Variants in FBN1 observed in about 807,000 individuals in gnomAD.
FBN1 encodes fibrillin-1.
A neutral mutation model predicts 365.1 loss-of-function variants in FBN1; 29 were observed. That is an observed-to-expected ratio of 0.08 (90% CI 0.06 to 0.11). The LOEUF (loss-of-function observed/expected upper bound fraction) is 0.11. Among genes scored for constraint, FBN1 ranks in the 10% least tolerant of loss-of-function variants. The pLI, the probability that FBN1 is intolerant of heterozygous loss-of-function variation, is 1.00. For synonymous variants in FBN1, 1,210 were observed against 1,270.5 expected, an observed-to-expected ratio of 0.95 and a Z score of 1.01; for missense variants, 2,476 against 3,703.2, an observed-to-expected ratio of 0.67 and a Z score of 8.60.
At chr15:48,576,592 C>G (rs1457393957) in intron 6 of FBN1, among the ~76,000 whole-genome samples, 1 of 152,144 alleles carries the variant, frequency 6.6e-6, no homozygotes, top group Non-Finnish European at 1.5e-5. Flanking sequence ...GAGATAGATG[C>G]AGGGAAGAGA....
intron 6 of FBN1, among the ~76,000 whole-genome samples, chr15:48,584,944 T>A (rs753510152): frequency 2.6e-5 from 4 of 152,236 alleles, no homozygotes; most frequent in African/African-American, 9.6e-5. Flanking sequence ...AATGATTATA[T>A]AAAGAATGAG....
chr15:48,589,343 T>C (rs2044459112), intron 6 of FBN1, among the ~76,000 whole-genome samples: 1 of 152,152 alleles, frequency 6.6e-6, no homozygotes, highest in African/African-American at 2.4e-5. Context: ...ATCAAGCTTC[T>C]TTCTGGTTGC....
intron 10 of FBN1, among the ~76,000 whole-genome samples, chr15:48,517,955 T>C (rs186506494): frequency 7.9e-5 from 12 of 152,336 alleles, no homozygotes; most frequent in Admixed American, 7.2e-4. Context: ...CCAATTTACA[T>C]GAGGTTAAAT....
At chr15:48,555,477 T>C (rs758655269) in intron 6 of FBN1, among the ~76,000 whole-genome samples, 7 of 152,188 alleles carry the variant, frequency 4.6e-5, no homozygotes, top group Non-Finnish European at 8.8e-5. Context: ...ACACTGCATT[T>C]TGGGAAAAGC....
At chr15:48,456,276 T>C (rs1301141839) in intron 44 of FBN1, among the ~76,000 whole-genome samples, 1 of 152,226 alleles carries the variant, frequency 6.6e-6, no homozygotes, top group African/African-American at 2.4e-5. Flanking sequence ...AGAGAAATGA[T>C]TTTGAGAGTC....
At chr15:48,586,048 A>G (rs2044432861) in intron 6 of FBN1, among the ~76,000 whole-genome samples, 1 of 152,234 alleles carries the variant, frequency 6.6e-6, no homozygotes, top group African/African-American at 2.4e-5. Flanking sequence ...TTTTTTGACA[A>G]GGTGAATATG....
intron 60 of FBN1, among the ~76,000 whole-genome samples, chr15:48,424,207 A>C (rs181353490): frequency 6.6e-6 from 1 of 152,344 alleles, no homozygotes; most frequent in African/African-American, 2.4e-5. Context: ...AGAATGTGTA[A>C]GTAGGTCTCT....
intron 65 of FBN1, among the ~76,000 whole-genome samples, 153 bp from the exon 66 acceptor site, chr15:48,411,532 G>A (rs2042864126): frequency 6.6e-6 from 1 of 152,250 alleles, no homozygotes; most frequent in South Asian, 2.1e-4. Context: ...GACCACAAGT[G>A]TATTAAATTG....
Position 48,631,687 on chromosome 15 carries a change from A to T in FBN1, c.164+12919T>A, listed in dbSNP as rs74014655. On this transcript the variant is annotated intron_variant, in intron 2 of 65. Coordinates refer to ENST00000316623, the MANE Select transcript of FBN1 (RefSeq NM_000138.5). ...ATCTGACATGAGCAATCTGGAAAAGAGGGCTTATCTCTTTACCTCTGAGAT... is the reference window on the plus strand; with the variant it reads ...ATCTGACATGAGCAATCTGGAAAAGTGGGCTTATCTCTTTACCTCTGAGAT... 2.0e-5 allele frequency among the ~76,000 whole-genome samples: 3 copies of T among 152,200 alleles called. No individual in the cohort carries two copies. The East Asian group carries it at 5.8e-4, about 29-fold the overall frequency.
At chr15:48,610,974 T>C in intron 3 of FBN1, 148 bp from the exon 4 acceptor site, 2 of 696,254 alleles carry the variant, frequency 2.9e-6, no homozygotes, top group South Asian at 1.5e-5. Flanking sequence ...TCAGGTGTAC[T>C]CATTTTCAAA....
At chr15:48,620,657 G>T (rs540300122) in intron 2 of FBN1, among the ~76,000 whole-genome samples, 1 of 152,084 alleles carries the variant, frequency 6.6e-6, no homozygotes, top group Non-Finnish European at 1.5e-5. Flanking sequence ...ATTTTTGATA[G>T]ATACATAATA....
At chr15:48,431,120 AAG>A in intron 55 of FBN1, among the ~76,000 whole-genome samples, 1 of 151,424 alleles carries the variant, frequency 6.6e-6, no homozygotes, top group East Asian at 1.9e-4. Context: ...ATGTTTTTGA[AAG>A]AGTCTCTCTC....
chr15:48,441,634 G>T, intron 50 of FBN1, 87 bp downstream of exon 50: 1 of 1,520,728 alleles, frequency 6.6e-7, no homozygotes, highest in Non-Finnish European at 9.1e-7. Flanking sequence ...TGTTCACAAA[G>T]AAACAGAGCT....
intron 2 of FBN1, among the ~76,000 whole-genome samples, chr15:48,639,201 G>A (rs1890154305): frequency 6.6e-6 from 1 of 152,094 alleles, no homozygotes; most frequent in African/African-American, 2.4e-5. Flanking sequence ...AAAAGTTAAC[G>A]TTAAGTTTTG....
At chr15:48,531,543 A>G (rs1040452514) in intron 8 of FBN1, among the ~76,000 whole-genome samples, 2 of 152,200 alleles carry the variant, frequency 1.3e-5, no homozygotes, top group Non-Finnish European at 2.9e-5. Context: ...CATTTTCACA[A>G]GGGCACAGAA....
At chr15:48,542,781 A>ATGTGTCTG (rs2044067048) in intron 6 of FBN1, among the ~76,000 whole-genome samples, 4 of 130,572 alleles carry the variant, frequency 3.1e-5, no homozygotes, top group Admixed American at 3.1e-4. Flanking sequence ...GGACTCTAAG[A>ATGTGTCTG]TGTGTGTGTG....
chr15:48,572,262 T>C (rs1482693123), intron 6 of FBN1, among the ~76,000 whole-genome samples: 1 of 152,170 alleles, frequency 6.6e-6, no homozygotes, highest in Non-Finnish European at 1.5e-5. Context: ...CTGAACATTA[T>C]AAATGAAGGA....
chr15:48,635,717 G>T (rs1555406869), intron 2 of FBN1, among the ~76,000 whole-genome samples: 1 of 152,152 alleles, frequency 6.6e-6, no homozygotes, highest in Non-Finnish European at 1.5e-5. Context: ...AATGGAAAAT[G>T]GTTAGATGTT....
intron 6 of FBN1, among the ~76,000 whole-genome samples, chr15:48,570,998 G>C (rs1230305099): frequency 6.6e-6 from 1 of 152,228 alleles, no homozygotes; most frequent in Admixed American, 6.5e-5. Context: ...CTGGAAAGCA[G>C]AGTTCACAAG....
Sources: allele counts gnomAD v4.1 joint callset (sites outside exome capture counted in the v4.1 genomes callset), GRCh38; gene constraint gnomAD v4.1.1; transcripts MANE v1.5; gene names NCBI Gene and HGNC (gene_info 2026-07-23, HGNC 2026-07-21).